Variants in RAB3GAP1 observed in about 807,000 individuals in gnomAD.
RAB3GAP1 encodes rab3 GTPase-activating protein catalytic subunit.
In RAB3GAP1, 86 loss-of-function variants were observed where a neutral mutation model predicts 130.7. The observed-to-expected ratio is 0.66, with a 90% confidence interval of 0.55 to 0.79. The LOEUF (loss-of-function observed/expected upper bound fraction) is 0.79. Among genes scored for constraint, RAB3GAP1 ranks in the 30% least tolerant of loss-of-function variants. RAB3GAP1 has a pLI of 0.00. For missense variants in RAB3GAP1, 1,029 were observed against 1,169.4 expected (o/e 0.88, Z 1.75); for synonymous variants, 367 against 401.7 (o/e 0.91, Z 1.03).
At chr2:135,075,031 T>C (rs981504373) in intron 3 of RAB3GAP1, among the ~76,000 whole-genome samples, 13 of 152,322 alleles carry the variant, frequency 8.5e-5, no homozygotes, top group Admixed American at 7.2e-4. Flanking sequence ...CTCCACACTT[T>C]GCATCATTTA....
intron 17 of RAB3GAP1, among the ~76,000 whole-genome samples, chr2:135,141,657 A>G (rs1006201212): frequency 6.6e-6 from 1 of 152,068 alleles, no homozygotes; most frequent in Non-Finnish European, 1.5e-5. Context: ...AGTACTGAAG[A>G]TATTTTCTTT....
At chr2:135,165,120 C>G (rs1181882793) in intron 23 of RAB3GAP1, 1 of 454,988 alleles carries the variant, frequency 2.2e-6, no homozygotes, top group Non-Finnish European at 4.4e-6. Context: ...TATAATTGTT[C>G]TTGTAATGGT....
At chr2:135,105,847 C>G (rs1284063042) in intron 5 of RAB3GAP1, among the ~76,000 whole-genome samples, 1 of 151,746 alleles carries the variant, frequency 6.6e-6, no homozygotes, top group Non-Finnish European at 1.5e-5. Context: ...CCCCGCCGCC[C>G]CGTCTGGGAT....
At chr2:135,152,076 A>G (rs914649052) in intron 18 of RAB3GAP1, among the ~76,000 whole-genome samples, 2 of 152,274 alleles carry the variant, frequency 1.3e-5, no homozygotes, top group African/African-American at 4.8e-5. Flanking sequence ...CAACTTACAT[A>G]TACACCCATA....
chr2:135,106,223 C>T (rs530343746), intron 5 of RAB3GAP1, among the ~76,000 whole-genome samples: 37 of 151,412 alleles, frequency 2.4e-4, no homozygotes, highest in African/African-American at 7.8e-4. Flanking sequence ...AGTGAGGAGC[C>T]CCTCTGCCTG....
chr2:135,151,610 G>T (rs1692175503), intron 18 of RAB3GAP1, among the ~76,000 whole-genome samples: 1 of 152,184 alleles, frequency 6.6e-6, no homozygotes, highest in African/African-American at 2.4e-5. Flanking sequence ...CAGAAAATCT[G>T]CAAGTTCTAT....
At chr2:135,110,548 G>A (rs1219217331) in intron 5 of RAB3GAP1, among the ~76,000 whole-genome samples, 2 of 152,184 alleles carry the variant, frequency 1.3e-5, no homozygotes, top group African/African-American at 4.8e-5. Flanking sequence ...GGGGATAGAA[G>A]GTAGATTGCA....
At chr2:135,083,244 C>T (rs1689878668) in intron 3 of RAB3GAP1, among the ~76,000 whole-genome samples, 1 of 151,928 alleles carries the variant, frequency 6.6e-6, no homozygotes, top group Admixed American at 6.6e-5. Flanking sequence ...TTGTTTCCAC[C>T]TTTTGGTTAC....
At chr2:135,116,129 C>G (rs1690964508) in intron 7 of RAB3GAP1, among the ~76,000 whole-genome samples, 1 of 152,140 alleles carries the variant, frequency 6.6e-6, no homozygotes. Context: ...ATGACACTAT[C>G]TCACTATCTC....
intron 3 of RAB3GAP1, among the ~76,000 whole-genome samples, chr2:135,067,891 C>A (rs534746776): frequency 2.0e-5 from 3 of 152,244 alleles, no homozygotes; most frequent in African/African-American, 4.8e-5. Flanking sequence ...CCACCATGCC[C>A]AGCTAATTGG....
chr2:135,138,457 TAA>T (rs1312127415), intron 17 of RAB3GAP1, among the ~76,000 whole-genome samples: 2 of 151,764 alleles, frequency 1.3e-5, no homozygotes, highest in Admixed American at 1.3e-4. Flanking sequence ...CTCAAAAAAA[TAA>T]AAAGTGAAAG....
At chr2:135,096,598 C>G (rs955153432) in intron 5 of RAB3GAP1, among the ~76,000 whole-genome samples, 1 of 152,104 alleles carries the variant, frequency 6.6e-6, no homozygotes, top group African/African-American at 2.4e-5. Flanking sequence ...CAGAAGGCAG[C>G]ATAGTATCAG....
chr2:135,113,051 T>A, intron 5 of RAB3GAP1, 100 bp from the exon 6 acceptor site: 1 of 1,521,870 alleles, frequency 6.6e-7, no homozygotes, highest in Non-Finnish European at 9.1e-7. Flanking sequence ...AAACCTGACT[T>A]GTTAAATTTT....
chr2:135,167,091 C>T (rs1161592692), intron 23 of RAB3GAP1, among the ~76,000 whole-genome samples: 1 of 152,080 alleles, frequency 6.6e-6, no homozygotes, highest in East Asian at 1.9e-4. Flanking sequence ...TTAGCTGATA[C>T]TTTATATCAA....
rs1164520454 is a variant in RAB3GAP1 at position 135,117,786 on chromosome 2, G to GCTT, written c.648+2427_648+2429dup. 4.2e-3 allele frequency among the ~76,000 whole-genome samples: 505 copies of GCTT among 119,290 alleles called. 3 individuals are homozygous for GCTT. Among genetic ancestry groups the GCTT allele is most frequent in the Admixed American group, 7.8e-3 (91 of 11,690 alleles). 78.3% of individuals were successfully genotyped at this position (119,290 alleles called of 152,430 possible). A position where few individuals can be genotyped will look rare whatever the true frequency, so the allele number is the denominator to read the frequency against. ...TTCTGCTGCTTCTTCTGCTTCTTCT[G>GCTT]CTTCTTCTTCTTCTTCTTCTTCTTT... On this transcript the variant is annotated intron_variant, in intron 7 of 23. Transcript: ENST00000264158.
At chr2:135,090,468 C>A (rs943738173) in intron 3 of RAB3GAP1, among the ~76,000 whole-genome samples, 5 of 152,000 alleles carry the variant, frequency 3.3e-5, no homozygotes, top group Admixed American at 6.6e-5. Flanking sequence ...GGGAAAAATC[C>A]TTTTTTATGC....
intron 3 of RAB3GAP1, among the ~76,000 whole-genome samples, chr2:135,082,161 GAATA>G (rs1553440586): frequency 4.0e-5 from 6 of 150,250 alleles, no homozygotes; most frequent in Admixed American, 1.3e-4. Context: ...ATGAATGAAT[GAATA>G]AATAAATAAA....
intron 2 of RAB3GAP1, among the ~76,000 whole-genome samples, chr2:135,053,635 C>T (rs901053405): frequency 1.3e-5 from 2 of 152,146 alleles, no homozygotes; most frequent in African/African-American, 4.8e-5. Context: ...AATAGTTAGA[C>T]CTGTGGTACC....
downstream of RAB3GAP1, among the ~76,000 whole-genome samples, chr2:135,173,321 T>C (rs567685303): frequency 1.3e-5 from 2 of 151,696 alleles, no homozygotes; most frequent in East Asian, 3.9e-4. Flanking sequence ...GTCTGGGGAT[T>C]GAGCGAGAAA....
Sources: gnomAD v4.1 joint callset for allele counts (sites outside exome capture counted in the v4.1 genomes callset) on GRCh38, gnomAD v4.1.1 for gene constraint, MANE v1.5 for transcripts, NCBI Gene and HGNC (gene_info 2026-07-23, HGNC 2026-07-21) for gene names.